RIMS2: variants seen among roughly 807,000 people sequenced by gnomAD.
RIMS2 encodes the protein regulating synaptic membrane exocytosis 2.
Under a neutral mutation model 174.4 loss-of-function variants are expected in RIMS2, and 59 were observed. The ratio of observed to expected loss-of-function variants is 0.34; its 90% confidence interval spans 0.27 to 0.42. The LOEUF (loss-of-function observed/expected upper bound fraction) is 0.42, where lower values mean the gene tolerates loss of function less well. Among genes scored for constraint, RIMS2 ranks in the 10% least tolerant of loss-of-function variants. RIMS2 has a pLI of 1.00. For missense variants in RIMS2, 1,620 were observed against 1,666.3 expected, an observed-to-expected ratio of 0.97 and a Z score of 0.48; for synonymous variants, 606 against 572.5, an observed-to-expected ratio of 1.06 and a Z score of -0.84.
intron 2 of RIMS2, among the ~76,000 whole-genome samples, chr8:103,710,667 C>T (rs10090513): frequency 0.012 from 1,767 of 152,114 alleles, 33 homozygotes; most frequent in African/African-American, 0.039. Flanking sequence ...AAGTATATTA[C>T]CACCTGCTTA....
intron 4 of RIMS2, among the ~76,000 whole-genome samples, chr8:103,896,006 G>A (rs2099275500): frequency 6.6e-6 from 1 of 151,520 alleles, no homozygotes; most frequent in South Asian, 2.1e-4. Context: ...CTCAACCCTT[G>A]GGTTTTACTT....
intron 1 of RIMS2, among the ~76,000 whole-genome samples, chr8:103,688,829 T>A (rs776321203): frequency 6.7e-5 from 9 of 134,496 alleles, no homozygotes; most frequent in Non-Finnish European, 1.4e-4. Flanking sequence ...ATCTTTTCTA[T>A]TTTTTAAATT....
intron 4 of RIMS2, chr8:103,910,006 A>C (rs1056782993): frequency 7.4e-6 from 4 of 544,038 alleles, no homozygotes; most frequent in Non-Finnish European, 1.3e-5. Flanking sequence ...ATATATATAT[A>C]TAGTGAGTGC....
intron 3 of RIMS2, among the ~76,000 whole-genome samples, chr8:103,780,132 A>G (rs905552730): frequency 1.3e-5 from 2 of 152,082 alleles, no homozygotes; most frequent in African/African-American, 4.8e-5. Context: ...GGAGTCCTTT[A>G]TATGTTACTT....
chr8:103,821,404 A>G (rs1290972154), intron 3 of RIMS2, among the ~76,000 whole-genome samples: 1 of 151,646 alleles, frequency 6.6e-6, no homozygotes, highest in Non-Finnish European at 1.5e-5. Flanking sequence ...CAATTACTCG[A>G]TAAGTAATTT....
chr8:103,707,976 A>T (rs1362710071), intron 2 of RIMS2, among the ~76,000 whole-genome samples: 1 of 152,170 alleles, frequency 6.6e-6, no homozygotes, highest in Non-Finnish European at 1.5e-5. Flanking sequence ...CTGGTACCCA[A>T]TTGTAAGAAA....
chr8:104,109,019 G>A, intron 19 of RIMS2, among the ~76,000 whole-genome samples: 1 of 151,950 alleles, frequency 6.6e-6, no homozygotes, highest in Non-Finnish European at 1.5e-5. Flanking sequence ...CACATTTTTA[G>A]TATAAGAAAT....
At chr8:103,518,866 G>A (rs1830268250) in intron 1 of RIMS2, among the ~76,000 whole-genome samples, 1 of 152,038 alleles carries the variant, frequency 6.6e-6, no homozygotes, top group African/African-American at 2.4e-5. Flanking sequence ...CTGAGATCTT[G>A]TGTCTCTATT....
intron 2 of RIMS2, among the ~76,000 whole-genome samples, chr8:103,714,265 C>T (rs942091113): frequency 6.6e-6 from 1 of 152,140 alleles, no homozygotes; most frequent in Non-Finnish European, 1.5e-5. Flanking sequence ...GCATTTAAGT[C>T]CAGCTCTTTG....
intron 3 of RIMS2, among the ~76,000 whole-genome samples, chr8:103,818,021 A>G (rs926330618): frequency 5.3e-5 from 8 of 152,056 alleles, no homozygotes; most frequent in Middle Eastern, 3.4e-3. Context: ...AAAATAATAA[A>G]CTGAAATAAA....
chr8:103,528,160 CAT>C (rs1835032551), intron 1 of RIMS2, among the ~76,000 whole-genome samples: 1 of 151,988 alleles, frequency 6.6e-6, no homozygotes, highest in Admixed American at 6.6e-5. Flanking sequence ...AGCATTTTTT[CAT>C]ATGTCTGTTG....
At chr8:103,890,515 G>A (rs1204034322) in intron 4 of RIMS2, among the ~76,000 whole-genome samples, 1 of 152,026 alleles carries the variant, frequency 6.6e-6, no homozygotes, top group Non-Finnish European at 1.5e-5. Context: ...GACTTCAGAG[G>A]AAAGAAGCAT....
chr8:103,725,004 A>G (rs1172870536), intron 2 of RIMS2, among the ~76,000 whole-genome samples: 1 of 152,152 alleles, frequency 6.6e-6, no homozygotes, highest in Non-Finnish European at 1.5e-5. Context: ...TGTAGAAAAT[A>G]TTTCAAAAAT....
At chr8:103,868,241 A>T (rs2099093108) in intron 3 of RIMS2, among the ~76,000 whole-genome samples, 1 of 152,108 alleles carries the variant, frequency 6.6e-6, no homozygotes, top group Non-Finnish European at 1.5e-5. Context: ...ACATTGTCTT[A>T]ACTCATTGGT....
At chr8:103,522,725 A>G (rs1453888988) in intron 1 of RIMS2, among the ~76,000 whole-genome samples, 1 of 152,178 alleles carries the variant, frequency 6.6e-6, no homozygotes, top group Non-Finnish European at 1.5e-5. Flanking sequence ...ATGGGAAATT[A>G]CAATAACCTT....
chr8:103,709,683 T>G (rs1280356002), intron 2 of RIMS2, among the ~76,000 whole-genome samples: 1 of 152,180 alleles, frequency 6.6e-6, no homozygotes, highest in Non-Finnish European at 1.5e-5. Flanking sequence ...TTTTTTTTCT[T>G]TAACCCCATT....
intron 3 of RIMS2, among the ~76,000 whole-genome samples, chr8:103,796,318 C>G (rs1455813470): frequency 6.6e-6 from 1 of 152,098 alleles, no homozygotes; most frequent in African/African-American, 2.4e-5. Flanking sequence ...CTACAATGTT[C>G]TAGACTTTGT....
At chr8:104,155,805 C>G (rs534991937) in intron 19 of RIMS2, among the ~76,000 whole-genome samples, 1 of 152,248 alleles carries the variant, frequency 6.6e-6, no homozygotes, top group East Asian at 1.9e-4. Flanking sequence ...GAAGATGATA[C>G]CAAGTTTGCA....
At chr8:103,772,534 A>G (rs922845417) in intron 3 of RIMS2, among the ~76,000 whole-genome samples, 1 of 152,152 alleles carries the variant, frequency 6.6e-6, no homozygotes, top group Non-Finnish European at 1.5e-5. Context: ...ATAAATAGAA[A>G]GATAAACTGT....
Sources: gnomAD v4.1 joint callset for allele counts (sites outside exome capture counted in the v4.1 genomes callset) on GRCh38, gnomAD v4.1.1 for gene constraint, MANE v1.5 for transcripts, NCBI Gene and HGNC (gene_info 2026-07-23, HGNC 2026-07-21) for gene names.